The following MBD5 variants were observed in gnomAD, a reference collection of about 807,000 sequenced individuals.
MBD5 encodes methyl-CpG binding domain protein 5, also known as methyl-CpG-binding domain protein 5.
A neutral mutation model predicts 117.3 loss-of-function variants in MBD5; 13 were observed. The ratio of observed to expected loss-of-function variants is 0.11; its 90% confidence interval spans 0.07 to 0.18. The LOEUF is 0.18. MBD5 is among the 10% of genes least tolerant of loss of function. The pLI, the probability that MBD5 is intolerant of heterozygous loss-of-function variation, is 1.00. For synonymous variants in MBD5, 727 were observed against 766.4 expected, an observed-to-expected ratio of 0.95 and a Z score of 0.85; for missense variants, 1,879 against 2,093.8, an observed-to-expected ratio of 0.90 and a Z score of 2.00.
chr2:148,154,142 A>T, intron 1 of MBD5, among the ~76,000 whole-genome samples: 1 of 132,024 alleles, frequency 7.6e-6, no homozygotes, highest in Non-Finnish European at 1.6e-5. Context: ...TCTGTTTGTT[A>T]GTTTTCCTTC....
chr2:148,374,381 T>C (rs1284370517), intron 4 of MBD5, among the ~76,000 whole-genome samples: 2 of 152,166 alleles, frequency 1.3e-5, no homozygotes, highest in Non-Finnish European at 2.9e-5. Context: ...ATATTGTGTC[T>C]TACATTGTAA....
At chr2:148,147,943 A>C (rs1697510923) in intron 1 of MBD5, among the ~76,000 whole-genome samples, 1 of 152,312 alleles carries the variant, frequency 6.6e-6, no homozygotes, top group East Asian at 1.9e-4. Context: ...AAGTCACCAT[A>C]CATGGCTCTA....
At chr2:148,269,155 C>T (rs911995475) in intron 3 of MBD5, among the ~76,000 whole-genome samples, 2 of 151,902 alleles carry the variant, frequency 1.3e-5, no homozygotes, top group Non-Finnish European at 2.9e-5. Flanking sequence ...AAGGGAGCAG[C>T]TTTTGTTGTA....
intron 4 of MBD5, among the ~76,000 whole-genome samples, chr2:148,376,110 G>A (rs1051634355): frequency 7.9e-5 from 12 of 151,068 alleles, no homozygotes; most frequent in African/African-American, 2.7e-4. Context: ...CTTCCCTTGA[G>A]GGGTCCTAAG....
chr2:148,458,297 G>A lies in MBD5; in HGVS notation c.-462G>A. ...TTGGAAGATAAAGAGAAAGTTTAAA[G>A]AATGTGGCCTATAAAGGCGGGTACC... On this transcript the variant is annotated 5_prime_UTR_variant, in exon 5 of 14. Coordinates refer to ENST00000642680, the MANE Select transcript of MBD5 (RefSeq NM_001378120.1). The A allele has an allele frequency of 2.4e-6, 1 of 408,224 alleles. No homozygotes were observed. Among genetic ancestry groups the A allele is most frequent in the East Asian group, 3.5e-5 (1 of 28,814 alleles). 25.3% of individuals were successfully genotyped at this position (408,224 alleles called of 1,614,324 possible). A position where few individuals can be genotyped will look rare whatever the true frequency, so the allele number is the denominator to read the frequency against.
intron 3 of MBD5, among the ~76,000 whole-genome samples, chr2:148,274,933 G>C (rs890595976): frequency 6.6e-6 from 1 of 152,102 alleles, no homozygotes; most frequent in Admixed American, 6.5e-5. Flanking sequence ...ATGTTAGCCA[G>C]ACTGGTCTCG....
chr2:148,252,603 G>A (rs1252549825), intron 3 of MBD5, among the ~76,000 whole-genome samples: 3 of 152,206 alleles, frequency 2.0e-5, no homozygotes, highest in Non-Finnish European at 2.9e-5. Flanking sequence ...AGGCTGGAGT[G>A]CAATGGTGCA....
At chr2:148,288,257 G>A (rs1574243029) in intron 3 of MBD5, among the ~76,000 whole-genome samples, 2 of 110,594 alleles carry the variant, frequency 1.8e-5, no homozygotes, top group Non-Finnish European at 4.0e-5. Flanking sequence ...AAAATTAGCC[G>A]GGCGTAGTGG....
intron 2 of MBD5, among the ~76,000 whole-genome samples, chr2:148,195,444 C>T (rs998073579): frequency 1.3e-5 from 2 of 151,878 alleles, no homozygotes; most frequent in Non-Finnish European, 2.9e-5. Flanking sequence ...TAGACAATTC[C>T]ACAATTATAG....
At chr2:148,171,861 A>T (rs540726806) in intron 1 of MBD5, among the ~76,000 whole-genome samples, 2 of 152,360 alleles carry the variant, frequency 1.3e-5, no homozygotes, top group South Asian at 4.1e-4. Flanking sequence ...CCCATTTACA[A>T]TCGCTACAAA....
At chr2:148,125,557 C>T (rs1480757079) in intron 1 of MBD5, among the ~76,000 whole-genome samples, 1 of 152,204 alleles carries the variant, frequency 6.6e-6, no homozygotes, top group Admixed American at 6.5e-5. Context: ...GATATTCCCT[C>T]TGCTGGAAAT....
chr2:148,391,282 T>TC (rs5835187), intron 4 of MBD5, among the ~76,000 whole-genome samples: 1 of 151,900 alleles, frequency 6.6e-6, no homozygotes. Flanking sequence ...CAGTATTTAC[T>TC]GGGAAAATAT....
chr2:148,451,342 TA>T (rs1162076469), intron 4 of MBD5, among the ~76,000 whole-genome samples: 2 of 152,030 alleles, frequency 1.3e-5, no homozygotes, highest in Admixed American at 1.3e-4. Context: ...TTGCACAGTT[TA>T]AAAAATATGA....
At chr2:148,437,400 G>C (rs976834186) in intron 4 of MBD5, among the ~76,000 whole-genome samples, 3 of 151,952 alleles carry the variant, frequency 2.0e-5, no homozygotes, top group Non-Finnish European at 4.4e-5. Context: ...CCTTGGATTT[G>C]GGTCATAATC....
chr2:148,163,641 C>T (rs1173327993), intron 1 of MBD5, among the ~76,000 whole-genome samples: 2 of 152,034 alleles, frequency 1.3e-5, no homozygotes, highest in East Asian at 3.9e-4. Context: ...TCTGGAACTC[C>T]CAAGCTCAGG....
intron 1 of MBD5, among the ~76,000 whole-genome samples, chr2:148,167,100 A>T (rs1260747756): frequency 6.6e-6 from 1 of 152,164 alleles, no homozygotes; most frequent in Admixed American, 6.6e-5. Context: ...ATCTTTGCAT[A>T]TAAGCAGTTT....
At chr2:148,452,956 C>T (rs1318264259) in intron 4 of MBD5, among the ~76,000 whole-genome samples, 1 of 152,144 alleles carries the variant, frequency 6.6e-6, no homozygotes, top group Non-Finnish European at 1.5e-5. Flanking sequence ...TATAAGCCCA[C>T]ATGGTAAAAA....
chr2:148,134,476 T>A (rs1293431761), intron 1 of MBD5, among the ~76,000 whole-genome samples: 1 of 152,226 alleles, frequency 6.6e-6, no homozygotes, highest in Non-Finnish European at 1.5e-5. Context: ...TTGCTTTGTA[T>A]TCTGATATTC....
intron 1 of MBD5, among the ~76,000 whole-genome samples, chr2:148,164,225 A>G (rs951426205): frequency 6.6e-6 from 1 of 152,216 alleles, no homozygotes; most frequent in Admixed American, 6.5e-5. Context: ...CCAAGCTCAA[A>G]GCTTCTGCTA....
Sources: gnomAD v4.1 joint callset for allele counts (sites outside exome capture counted in the v4.1 genomes callset) on GRCh38, gnomAD v4.1.1 for gene constraint, MANE v1.5 for transcripts, NCBI Gene and HGNC (gene_info 2026-07-23, HGNC 2026-07-21) for gene names.